Variants in SKIL observed in about 807,000 individuals in gnomAD.
SKIL encodes the protein SKI like proto-oncogene, also known as ski-like protein.
In SKIL, 20 loss-of-function variants were observed where a neutral mutation model predicts 69.6. The observed-to-expected ratio is 0.29, with a 90% CI of 0.20 to 0.42. The LOEUF (loss-of-function observed/expected upper bound fraction) is 0.42. Ranked by LOEUF, SKIL falls within the 10% of genes least tolerant of loss-of-function variation. The pLI is 1.00. For synonymous variants in SKIL, 310 were observed against 279.9 expected, an observed-to-expected ratio of 1.11 and a Z score of -1.08; for missense variants, 745 against 783.1, an observed-to-expected ratio of 0.95 and a Z score of 0.58.
At chr3:170,362,510 CAAAA>C (rs1156249427) in intron 2 of SKIL, among the ~76,000 whole-genome samples, 1 of 130,258 alleles carries the variant, frequency 7.7e-6, no homozygotes, top group Non-Finnish European at 1.6e-5. Context: ...AAAAACAAAA[CAAAA>C]CAAACAAACA....
intron 2 of SKIL, among the ~76,000 whole-genome samples, chr3:170,379,012 G>C (rs955860666): frequency 6.6e-6 from 1 of 151,920 alleles, no homozygotes; most frequent in Non-Finnish European, 1.5e-5. Flanking sequence ...GAGTAGCTGG[G>C]ATTACAAGTG....
In SKIL at chr3:170,358,469, T is replaced by G. The variant is rs1472095810; in HGVS notation, c.-634+706T>G. ...GTTCTCCCTCTCTCCGGGTTAGAGA[T>G]AGGTGGGTGGCTTTGAGTGGGCGGA... On this transcript the variant is annotated intron_variant, in intron 1 of 6. Transcript: ENST00000259119. 2.6e-5 allele frequency: 4 copies of G among 152,580 alleles called. No homozygotes were observed. In the East Asian group the frequency reaches 5.8e-4, roughly 22 times the overall value. The allele number at this position is 152,580 out of a possible 1,614,324, so 9.5% of individuals were successfully genotyped here.
In SKIL at chr3:170,357,742, A is replaced by ACGG. The variant is rs542866555; in HGVS notation, c.-642_-640dup. ...AGCCGAAGGGAGCGGGCGAGCGGCG[A>ACGG]CGGCGGCGGCGGCGGGCACAGGTGC... On this transcript the variant is annotated 5_prime_UTR_variant, in exon 1 of 7. Coordinates refer to ENST00000259119, the MANE Select transcript of SKIL (RefSeq NM_005414.5). The ACGG allele has an allele frequency of 0.045, 7,241 of 162,700 alleles. 171 individuals are homozygous for ACGG. Among genetic ancestry groups the ACGG allele is most frequent in the South Asian group, 0.13 (762 of 5,840 alleles). 10.1% of individuals were successfully genotyped at this position (162,700 alleles called of 1,614,324 possible). A position where few individuals can be genotyped will look rare whatever the true frequency, so the allele number is the denominator to read the frequency against.
chr3:170,360,294 C>T lies in SKIL; in HGVS notation c.-38C>T, dbSNP rs1357320989. ...TCAAATAAGCAACTAAATAGAAATG[C>T]TAATCTCAGACTTAATTATTTAACA... On this transcript the variant is annotated 5_prime_UTR_variant, in exon 2 of 7. Transcript: ENST00000259119. The T allele has an allele frequency of 2.0e-6, 3 of 1,503,648 alleles. No individual in the cohort carries two copies. Among genetic ancestry groups the T allele is most frequent in the Admixed American group, 2.4e-5 (1 of 41,538 alleles). 93.1% of individuals were successfully genotyped at this position (1,503,648 alleles called of 1,614,324 possible).
intron 1 of SKIL, chr3:170,358,450 CCTCT>C (rs1736051440): frequency 6.6e-6 from 1 of 152,462 alleles, no homozygotes; most frequent in Non-Finnish European, 1.5e-5. Flanking sequence ...CCTTGTTCTC[CCTCT>C]CTCCGGGTTA....
chr3:170,384,838 CTTTTTGTT>C, intron 4 of SKIL, 73 bp downstream of exon 4: 1 of 817,142 alleles, frequency 1.2e-6, no homozygotes, highest in Non-Finnish European at 1.9e-6. Flanking sequence ...TTCAAACAGG[CTTTTTGTT>C]TGAGCTAAAT....
At chr3:170,381,959 G>C (rs1261600703) in intron 3 of SKIL, among the ~76,000 whole-genome samples, 1 of 151,816 alleles carries the variant, frequency 6.6e-6, no homozygotes, top group African/African-American at 2.4e-5. Flanking sequence ...GCGGGCACCT[G>C]TAGTCCCAGC....
chr3:170,385,275 G>A (rs959201980), intron 4 of SKIL, among the ~76,000 whole-genome samples: 2 of 86,080 alleles, frequency 2.3e-5, no homozygotes, highest in African/African-American at 9.1e-5. Flanking sequence ...TTTTTTTTTT[G>A]TAGAGATGGT....
intron 2 of SKIL, among the ~76,000 whole-genome samples, chr3:170,375,655 C>T (rs1736993997): frequency 6.6e-6 from 1 of 152,190 alleles, no homozygotes; most frequent in South Asian, 2.1e-4. Flanking sequence ...CTCACAGCAA[C>T]CTCAAACCTG....
intron 4 of SKIL, among the ~76,000 whole-genome samples, chr3:170,386,705 AGTGATCCTCCTGCC>A (rs1737652347): frequency 6.6e-6 from 1 of 152,016 alleles, no homozygotes; most frequent in Admixed American, 6.6e-5. Flanking sequence ...CTTAGCCTCA[AGTGATCCTCCTGCC>A]TTGGCCTCCT....
At position 170,360,551 on chromosome 3, in the gene SKIL, A is replaced by G; in HGVS notation, c.220A>G (p.Thr74Ala). ...TDGEHVKRTC[T>A]SVPETLHLNP... ...TGGAGAGCATGTTAAGCGAACCTGT[A>G]CTTCTGTTCCTGAAACTTTGCATTT... The change falls in exon 2 of 7, where the codon ACT (threonine) becomes GCT (alanine). Residue 74 changes from threonine to alanine, a missense_variant. Physicochemically the swap from Thr to Ala is moderately conservative, Grantham distance 58 (BLOSUM62 0). Transcript: ENST00000259119. 1.2e-6 allele frequency: 2 copies of G among 1,614,228 alleles called. No homozygotes were observed. Among genetic ancestry groups the G allele is most frequent in the Non-Finnish European group, 1.7e-6 (2 of 1,180,040 alleles).
intron 4 of SKIL, among the ~76,000 whole-genome samples, chr3:170,388,299 A>G (rs1029707835): frequency 6.6e-6 from 1 of 152,156 alleles, no homozygotes; most frequent in African/African-American, 2.4e-5. Context: ...TGGACATTGC[A>G]TATCTTTGGA....
intron 2 of SKIL, among the ~76,000 whole-genome samples, chr3:170,374,423 T>C (rs1489768359): frequency 6.6e-6 from 1 of 152,188 alleles, no homozygotes. Flanking sequence ...TACTAAATGA[T>C]CCACTTCTTT....
At chr3:170,381,457 G>A in intron 3 of SKIL, 116 bp downstream of exon 3, 1 of 619,998 alleles carries the variant, frequency 1.6e-6, no homozygotes, top group South Asian at 1.8e-5. Flanking sequence ...TTTGGTGGCA[G>A]AGTCTTGCTC....
chr3:170,375,851 G>A (rs1449284131), intron 2 of SKIL, among the ~76,000 whole-genome samples: 1 of 151,960 alleles, frequency 6.6e-6, no homozygotes, highest in African/African-American at 2.4e-5. Flanking sequence ...AAATTCCGGG[G>A]CTATAGGTGT....
chr3:170,386,966 A>G (rs1737663352), intron 4 of SKIL, among the ~76,000 whole-genome samples: 1 of 152,188 alleles, frequency 6.6e-6, no homozygotes, highest in African/African-American at 2.4e-5. Context: ...TTTTTAATAC[A>G]TTCACAAAGT....
Position 170,368,894 on chromosome 3 carries a change from A to G in SKIL, c.1098+7465A>G, listed in dbSNP as rs551413247. Among the ~76,000 whole-genome samples, 217 of 152,182 alleles carry G rather than the reference A, an allele frequency of 1.4e-3. 2 individuals are homozygous for G. Among genetic ancestry groups the G allele is most frequent in the Non-Finnish European group, 2.7e-3 (185 of 68,024 alleles). On this transcript the variant is annotated intron_variant, in intron 2 of 6. Coordinates refer to ENST00000259119, the MANE Select transcript of SKIL (RefSeq NM_005414.5). ...ATTGGAGATAGTGCCCATTCCATTT[A>G]TTCGGTTGATACCACATTGGGGTTT...
intron 2 of SKIL, among the ~76,000 whole-genome samples, chr3:170,365,761 T>TGC (rs1323788307): frequency 6.8e-6 from 1 of 147,512 alleles, no homozygotes; most frequent in East Asian, 2.0e-4. Flanking sequence ...GCTTTTTTTT[T>TGC]TTTTTTTTTT....
At chr3:170,381,917 TAA>T (rs1348942775) in intron 3 of SKIL, among the ~76,000 whole-genome samples, 1 of 151,640 alleles carries the variant, frequency 6.6e-6, no homozygotes, top group South Asian at 2.1e-4. Context: ...CTGTCTCTAC[TAA>T]AAATGCAAAA....
Sources: gnomAD v4.1 joint callset for allele counts (sites outside exome capture counted in the v4.1 genomes callset) on GRCh38, gnomAD v4.1.1 for gene constraint, MANE v1.5 for transcripts, NCBI Gene and HGNC (gene_info 2026-07-23, HGNC 2026-07-21) for gene names.